Variants in FBXL17 observed in about 807,000 individuals in gnomAD.
FBXL17 encodes F-box and leucine rich repeat protein 17.
FBXL17 carries 22 observed loss-of-function variants against 66.2 expected under a neutral mutation model. The observed-to-expected ratio is 0.33, with a 90% CI of 0.24 to 0.47. FBXL17 has a LOEUF of 0.47. FBXL17 is among the 20% of genes least tolerant of loss of function. The pLI, the probability that FBXL17 is intolerant of heterozygous loss-of-function variation, is 1.00. For synonymous variants in FBXL17, 474 were observed against 400.5 expected (o/e 1.18, Z -2.19); for missense variants, 878 against 948.2 (o/e 0.93, Z 0.97).
chr5:108,292,977 G>A lies in FBXL17; in HGVS notation c.1506+55422C>T, dbSNP rs776026623. ...ATGCTGGCGGGTGCCTGTAGTCCAA[G>A]CTACTGGGGAGGCTGAGGCAGAATG... is the stretch of plus-strand genomic sequence containing the variant. On this transcript the variant is annotated intron_variant, in intron 4 of 8. Coordinates refer to ENST00000542267, the MANE Select transcript of FBXL17 (RefSeq NM_001163315.3). Among the ~76,000 whole-genome samples the A allele has an allele frequency of 2.9e-4, 44 of 151,692 alleles. 1 individual carries two copies. Among genetic ancestry groups the A allele is most frequent in the Admixed American group, 2.6e-4 (4 of 15,212 alleles).
At chr5:108,168,596 G>T (rs1214819798) in intron 6 of FBXL17, among the ~76,000 whole-genome samples, 4 of 152,148 alleles carry the variant, frequency 2.6e-5, no homozygotes, top group Non-Finnish European at 1.5e-5. Flanking sequence ...CAGGCAGTTT[G>T]CTCTATCTAA....
chr5:107,981,720 A>G (rs750975563), intron 7 of FBXL17, among the ~76,000 whole-genome samples: 1 of 141,038 alleles, frequency 7.1e-6, no homozygotes, highest in Non-Finnish European at 1.5e-5. Flanking sequence ...AACATTATAG[A>G]AAAAAAACAT....
chr5:108,097,239 G>A (rs1481482579), intron 6 of FBXL17, among the ~76,000 whole-genome samples: 1 of 152,122 alleles, frequency 6.6e-6, no homozygotes, highest in Non-Finnish European at 1.5e-5. Flanking sequence ...CCCTCCCCAC[G>A]ATTGTAAGTT....
intron 5 of FBXL17, among the ~76,000 whole-genome samples, chr5:108,199,412 C>A (rs1482224488): frequency 1.3e-5 from 2 of 152,148 alleles, no homozygotes; most frequent in Non-Finnish European, 2.9e-5. Flanking sequence ...TAGATTACAG[C>A]ACTGAGAAAA....
chr5:107,927,267 T>C (rs1403731149), intron 7 of FBXL17, among the ~76,000 whole-genome samples: 1 of 152,142 alleles, frequency 6.6e-6, no homozygotes, highest in Non-Finnish European at 1.5e-5. Flanking sequence ...AACTACATTA[T>C]ATAATAGCAA....
intron 6 of FBXL17, among the ~76,000 whole-genome samples, chr5:108,130,136 T>C (rs1215599979): frequency 6.6e-6 from 1 of 151,738 alleles, no homozygotes; most frequent in Non-Finnish European, 1.5e-5. Context: ...ACATAGTAAA[T>C]ATAATTTACT....
chr5:108,298,987 G>A (rs1209101345), intron 4 of FBXL17: 5 of 972,102 alleles, frequency 5.1e-6, no homozygotes, highest in East Asian at 1.1e-4. Flanking sequence ...TATTAGGAGA[G>A]TATAACACTT....
intron 1 of FBXL17, among the ~76,000 whole-genome samples, chr5:108,377,129 C>T (rs887280457): frequency 1.3e-5 from 2 of 152,086 alleles, no homozygotes; most frequent in African/African-American, 4.8e-5. Context: ...ACAGCTTGAG[C>T]CTGCTCTTTA....
At chr5:108,297,956 T>C in intron 4 of FBXL17, 2 of 974,468 alleles carry the variant, frequency 2.1e-6, no homozygotes, top group Non-Finnish European at 2.4e-6. Flanking sequence ...ATATTCTCCA[T>C]TTATAAAAAT....
intron 4 of FBXL17, among the ~76,000 whole-genome samples, chr5:108,271,501 C>T (rs1267125006): frequency 6.6e-6 from 1 of 152,194 alleles, no homozygotes; most frequent in Non-Finnish European, 1.5e-5. Context: ...CTGGAGAAAA[C>T]AGTAGGAAGG....
At chr5:108,341,872 G>A (rs769329237) in intron 4 of FBXL17, among the ~76,000 whole-genome samples, 2 of 152,048 alleles carry the variant, frequency 1.3e-5, no homozygotes, top group African/African-American at 4.8e-5. Flanking sequence ...ATGTCTGCTT[G>A]CATATTCATC....
At chr5:108,224,314 C>T (rs1755000443) in intron 4 of FBXL17, 86 bp from the exon 5 acceptor site, 1 of 613,106 alleles carries the variant, frequency 1.6e-6, no homozygotes, top group Admixed American at 2.5e-5. Context: ...CTCAGCCCCA[C>T]CTTGCATCAT....
At chr5:108,019,637 T>C (rs1160088298) in intron 7 of FBXL17, among the ~76,000 whole-genome samples, 8 of 151,742 alleles carry the variant, frequency 5.3e-5, no homozygotes, top group East Asian at 1.9e-4. Context: ...ACAATATACA[T>C]ATATAATACA....
intron 4 of FBXL17, among the ~76,000 whole-genome samples, chr5:108,264,548 A>G (rs911986123): frequency 6.6e-6 from 1 of 152,194 alleles, no homozygotes; most frequent in Non-Finnish European, 1.5e-5. Context: ...AATTTTTTAA[A>G]TGTACAGGTA....
At chr5:108,261,744 T>C (rs1756829565) in intron 4 of FBXL17, among the ~76,000 whole-genome samples, 1 of 151,268 alleles carries the variant, frequency 6.6e-6, no homozygotes, top group African/African-American at 2.4e-5. Context: ...AAAACTAACA[T>C]AAACTAAACA....
intron 4 of FBXL17, among the ~76,000 whole-genome samples, chr5:108,226,281 C>G (rs887744828): frequency 6.6e-6 from 1 of 152,144 alleles, no homozygotes; most frequent in Non-Finnish European, 1.5e-5. Context: ...AGTTCCCCAT[C>G]GGCACCTAGA....
At chr5:108,146,757 G>T (rs1751576808) in intron 6 of FBXL17, among the ~76,000 whole-genome samples, 1 of 152,128 alleles carries the variant, frequency 6.6e-6, no homozygotes, top group Non-Finnish European at 1.5e-5. Context: ...GTATCCTGGG[G>T]GTGGGGACAC....
At chr5:108,043,456 T>G (rs1381165056) in intron 6 of FBXL17, among the ~76,000 whole-genome samples, 1 of 152,176 alleles carries the variant, frequency 6.6e-6, no homozygotes, top group African/African-American at 2.4e-5. Flanking sequence ...TGATGTCCAA[T>G]TTTTCCAGCA....
intron 8 of FBXL17, chr5:107,878,894 A>T: frequency 1.0e-6 from 1 of 985,478 alleles, no homozygotes; most frequent in African/African-American, 1.7e-5. Flanking sequence ...CTCTGACCAG[A>T]CGGCGTCGTG....
Sources: allele counts gnomAD v4.1 joint callset (sites outside exome capture counted in the v4.1 genomes callset), GRCh38; gene constraint gnomAD v4.1.1; transcripts MANE v1.5; gene names NCBI Gene and HGNC (gene_info 2026-07-23, HGNC 2026-07-21).